Variants in ZNF565 observed in about 807,000 individuals in gnomAD.
ZNF565 encodes the protein zinc finger protein 565.
ZNF565 carries 27 observed loss-of-function variants against 39.4 expected under a neutral mutation model. The observed-to-expected ratio is 0.69, with a 90% CI of 0.51 to 0.95. The LOEUF is 0.95. Ranked by LOEUF, ZNF565 falls within the 40% of genes least tolerant of loss-of-function variation. The probability of loss-of-function intolerance (pLI) is 0.00; values close to 1 mark genes in which losing one functional copy is unlikely to be tolerated. For synonymous variants in ZNF565, 185 were observed against 216.6 expected, an observed-to-expected ratio of 0.85 and a Z score of 1.28; for missense variants, 524 against 621.1, an observed-to-expected ratio of 0.84 and a Z score of 1.66.
chr19:36,194,471 G>A, intron 3 of ZNF565, 143 bp from the exon 4 acceptor site: 1 of 575,182 alleles, frequency 1.7e-6, no homozygotes, highest in Non-Finnish European at 2.9e-6. Flanking sequence ...CCAGCAGAAT[G>A]ACTTGTTTCT....
At chr19:36,192,580 A>C (rs1023194812) in intron 4 of ZNF565, among the ~76,000 whole-genome samples, 1 of 152,054 alleles carries the variant, frequency 6.6e-6, no homozygotes, top group Non-Finnish European at 1.5e-5. Context: ...GTATCTACTG[A>C]AAATACAAAA....
intron 1 of ZNF565, among the ~76,000 whole-genome samples, chr19:36,205,001 A>AG (rs1976100101): frequency 6.6e-6 from 1 of 152,080 alleles, no homozygotes; most frequent in Admixed American, 6.6e-5. Context: ...AAAACAGAAA[A>AG]GAAAATGAAG....
At chr19:36,210,860 A>G (rs1976329288) in intron 1 of ZNF565, among the ~76,000 whole-genome samples, 1 of 152,146 alleles carries the variant, frequency 6.6e-6, no homozygotes, top group Non-Finnish European at 1.5e-5. Context: ...GGACTGGGGC[A>G]GGGAAAGTAC....
chr19:36,199,742 C>G (rs1303116483), intron 2 of ZNF565, among the ~76,000 whole-genome samples: 3 of 152,122 alleles, frequency 2.0e-5, no homozygotes, highest in Non-Finnish European at 4.4e-5. Flanking sequence ...TCTTGTACTC[C>G]TGAGCTCAGG....
chr19:36,223,477 C>T (rs972890670), intron 1 of ZNF565, among the ~76,000 whole-genome samples: 7 of 152,000 alleles, frequency 4.6e-5, no homozygotes, highest in Non-Finnish European at 1.0e-4. Context: ...ATTCTCCTGC[C>T]TCAGCCTCCC....
intron 2 of ZNF565, among the ~76,000 whole-genome samples, chr19:36,198,103 T>C (rs1975829970): frequency 2.0e-5 from 3 of 150,818 alleles, no homozygotes; most frequent in South Asian, 4.2e-4. Flanking sequence ...ACTGCCGGCA[T>C]GGGCAACAAG....
rs1201276748 is a variant in ZNF565 at position 36,188,631 on chromosome 19, G to A, written c.233-4898C>T. Among the ~76,000 whole-genome samples, 3 of 151,038 alleles carry A rather than the reference G, an allele frequency of 2.0e-5. No individual in the cohort carries two copies. The Admixed American group carries it at 2.0e-4, about 10-fold the overall frequency. On this transcript the variant is annotated intron_variant, in intron 4 of 4. Coordinates refer to ENST00000304116, the MANE Select transcript of ZNF565 (RefSeq NM_152477.5). ...AGAGGCTGAGGCAGGAGAATCTCTT[G>A]CATCTGGGAGGTGGAGGTTGCAGTG...
chr19:36,231,976 G>T (rs1381051600), intron 1 of ZNF565, among the ~76,000 whole-genome samples: 1 of 151,858 alleles, frequency 6.6e-6, no homozygotes, highest in Non-Finnish European at 1.5e-5. Context: ...GCCGAGGCAG[G>T]CAGATCACCT....
At chr19:36,187,745 C>T (rs1975360886) in intron 4 of ZNF565, among the ~76,000 whole-genome samples, 1 of 151,902 alleles carries the variant, frequency 6.6e-6, no homozygotes, top group African/African-American at 2.4e-5. Flanking sequence ...TCAAGTGATT[C>T]TCCTGCCTCA....
At chr19:36,224,976 C>T (rs202043492) in intron 1 of ZNF565, among the ~76,000 whole-genome samples, 1 of 151,818 alleles carries the variant, frequency 6.6e-6, no homozygotes, top group East Asian at 1.9e-4. Context: ...TCCCTGCTTT[C>T]CTTAGTTATT....
intron 4 of ZNF565, among the ~76,000 whole-genome samples, chr19:36,184,092 A>C (rs1285175795): frequency 2.0e-5 from 3 of 149,490 alleles, no homozygotes; most frequent in African/African-American, 4.9e-5. Context: ...AAAAAAAAAA[A>C]AAAAAAAAAA....
chr19:36,206,404 C>A (rs1976154874), intron 1 of ZNF565, among the ~76,000 whole-genome samples: 1 of 151,764 alleles, frequency 6.6e-6, no homozygotes, highest in Non-Finnish European at 1.5e-5. Flanking sequence ...AGGTCAGCAG[C>A]TCAAGACCAG....
intron 1 of ZNF565, among the ~76,000 whole-genome samples, chr19:36,207,684 G>T (rs1204841492): frequency 6.6e-6 from 1 of 152,178 alleles, no homozygotes; most frequent in East Asian, 1.9e-4. Flanking sequence ...CACAGAAAAT[G>T]ACATTTTCCA....
intron 4 of ZNF565, among the ~76,000 whole-genome samples, chr19:36,193,503 C>T (rs1387886889): frequency 2.9e-5 from 4 of 139,070 alleles, no homozygotes; most frequent in South Asian, 2.4e-4. Context: ...TGCAGTGGCG[C>T]GATCTCGGCT....
chr19:36,201,802 C>T (rs554120082), intron 2 of ZNF565, among the ~76,000 whole-genome samples, 175 bp downstream of exon 2: 4 of 152,206 alleles, frequency 2.6e-5, no homozygotes, highest in African/African-American at 7.2e-5. Flanking sequence ...ACTACAGACA[C>T]GTGGACAGTG....
At chr19:36,194,800 G>T in intron 3 of ZNF565, 1 of 643,950 alleles carries the variant, frequency 1.6e-6, no homozygotes. Flanking sequence ...GACAGGAGGA[G>T]AGAGAGCACC....
chr19:36,207,354 G>A (rs1976192288), intron 1 of ZNF565, among the ~76,000 whole-genome samples: 1 of 152,072 alleles, frequency 6.6e-6, no homozygotes, highest in African/African-American at 2.4e-5. Context: ...GACCAGCCTG[G>A]TCAACAGAAG....
At position 36,182,789 on chromosome 19, in the gene ZNF565, A is replaced by G; in HGVS notation, c.1177T>C (p.Cys393Arg). The change falls in exon 5 of 5, where the codon TGT (cysteine) becomes CGT (arginine). Residue 393 changes from cysteine (C) to arginine (R), a missense_variant. Cys to Arg is a radical substitution (Grantham distance 180). Transcript: ENST00000304116. ...RVHTGDRPYE[C>R]KDCGKAFSRS... ...CTAAATGCCTTCCCGCAGTCCTTAC[A>G]TTCATAGGGTCTGTCGCCAGTATGG... The G allele has an allele frequency of 1.2e-6, 2 of 1,614,188 alleles. No homozygotes were observed. Among genetic ancestry groups the G allele is most frequent in the Non-Finnish European group, 1.7e-6 (2 of 1,180,038 alleles).
intron 2 of ZNF565, among the ~76,000 whole-genome samples, chr19:36,197,462 A>G (rs1463813308): frequency 6.6e-6 from 1 of 152,092 alleles, no homozygotes; most frequent in Non-Finnish European, 1.5e-5. Flanking sequence ...ACAGAGCAAG[A>G]CCCCATCTCA....
Sources: allele counts gnomAD v4.1 joint callset (sites outside exome capture counted in the v4.1 genomes callset), GRCh38; gene constraint gnomAD v4.1.1; transcripts MANE v1.5; gene names NCBI Gene and HGNC (gene_info 2026-07-23, HGNC 2026-07-21).